ZFPM2: variants seen among roughly 807,000 people sequenced by gnomAD.
ZFPM2 encodes zinc finger protein ZFPM2.
A neutral mutation model predicts 98.6 loss-of-function variants in ZFPM2; 20 were observed. The ratio of observed to expected loss-of-function variants is 0.20; its 90% CI spans 0.14 to 0.29. The LOEUF (loss-of-function observed/expected upper bound fraction) is 0.29. Ranked by LOEUF, ZFPM2 falls within the 10% of genes least tolerant of loss-of-function variation. The probability of loss-of-function intolerance (pLI) is 1.00; values close to 1 mark genes in which losing one functional copy is unlikely to be tolerated. For missense variants in ZFPM2, 1,310 were observed against 1,388.6 expected (o/e 0.94, Z 0.90); for synonymous variants, 518 against 502.7 (o/e 1.03, Z -0.41).
intron 3 of ZFPM2, among the ~76,000 whole-genome samples, chr8:105,456,208 T>G (rs573757586): frequency 6.8e-6 from 1 of 147,478 alleles, no homozygotes; most frequent in East Asian, 2.1e-4. Flanking sequence ...CTGGCTTAAA[T>G]GGTGCTGAGA....
intron 5 of ZFPM2, among the ~76,000 whole-genome samples, chr8:105,674,576 T>A (rs2130910218): frequency 6.6e-6 from 1 of 152,278 alleles, no homozygotes; most frequent in East Asian, 1.9e-4. Flanking sequence ...GGCATCATAT[T>A]TTTAAAAGGC....
chr8:105,406,434 C>A (rs576295381), intron 1 of ZFPM2, among the ~76,000 whole-genome samples: 1 of 151,976 alleles, frequency 6.6e-6, no homozygotes, highest in Non-Finnish European at 1.5e-5. Context: ...CCCTTCCTTA[C>A]ACCTTATACA....
At chr8:105,525,631 T>C (rs1339925923) in intron 3 of ZFPM2, among the ~76,000 whole-genome samples, 1 of 152,184 alleles carries the variant, frequency 6.6e-6, no homozygotes, top group East Asian at 1.9e-4. Context: ...TTAGGTGATA[T>C]GATTTCCATG....
Position 105,802,311 on chromosome 8 carries a change from G to GATGTGCCTACCTGAGCAC in ZFPM2, c.2246_2247insCATGTGCCTACCTGAGCA (p.Glu748_Gln749insHisMetCysLeuProGlu). 1 of 1,613,816 alleles carries GATGTGCCTACCTGAGCAC rather than the reference G, an allele frequency of 6.2e-7. No individual in the cohort carries two copies. Among genetic ancestry groups the GATGTGCCTACCTGAGCAC allele is most frequent in the Non-Finnish European group, 8.5e-7 (1 of 1,179,832 alleles). On this transcript the variant is annotated inframe_insertion, in exon 8 of 8. Coordinates refer to ENST00000407775, the MANE Select transcript of ZFPM2 (RefSeq NM_012082.4). ...CACGCAAGCGCAGAAAGATGTATGA[G>GATGTGCCTACCTGAGCAC]ATGTGCCTACCTGAGCAGGAACAAA...
rs576014137 is a variant in ZFPM2, at chr8:105,361,452, G to A, written c.40+42471G>A. On this transcript the variant is annotated intron_variant, in intron 1 of 7. Transcript: ENST00000407775. ...GTTCACTCTGATGGTAGTTTCTTTT[G>A]CTGTGCAGAAGCTCTTTAGTTTAAT... Among the ~76,000 whole-genome samples, 6 of 150,592 alleles carry A rather than the reference G, an allele frequency of 4.0e-5. No homozygotes were observed. In the South Asian group the frequency reaches 1.3e-3, roughly 32 times the overall value.
At chr8:105,506,860 T>C (rs1255718924) in intron 3 of ZFPM2, among the ~76,000 whole-genome samples, 1 of 146,664 alleles carries the variant, frequency 6.8e-6, no homozygotes, top group African/African-American at 2.5e-5. Context: ...TAGTGGCGGG[T>C]GCCTGTAGTC....
At chr8:105,437,160 A>G (rs1441557361) in intron 2 of ZFPM2, among the ~76,000 whole-genome samples, 5 of 151,996 alleles carry the variant, frequency 3.3e-5, no homozygotes, top group Admixed American at 6.6e-5. Flanking sequence ...CATACCCCTT[A>G]CCTAGTTTTA....
chr8:105,590,266 T>A (rs1815813270), intron 4 of ZFPM2, among the ~76,000 whole-genome samples: 1 of 152,204 alleles, frequency 6.6e-6, no homozygotes, highest in Admixed American at 6.5e-5. Context: ...TGTGAGATGC[T>A]GAGACTAAGA....
chr8:105,334,118 C>CTGTGTGTGTGTGTGTG (rs71305145), intron 1 of ZFPM2, among the ~76,000 whole-genome samples: 64 of 120,440 alleles, frequency 5.3e-4, no homozygotes, highest in African/African-American at 2.2e-3. Context: ...TAGTAATAAA[C>CTGTGTGTGTGTGTGTG]TGTGTGTGTG....
rs560061432 is a variant in ZFPM2, at chr8:105,802,267, A to G, written c.2185A>G (p.Met729Val). ...KRSASNKVPAMQRTMRTRKRR... is the reference protein window; with the variant it reads ...KRSASNKVPAVQRTMRTRKRR... ...GTCTGCTTCCAACAAAGTGCCTGCCATGCAGAGAACCATGCGCACACGCAA... is the reference window on the plus strand; with the variant it reads ...GTCTGCTTCCAACAAAGTGCCTGCCGTGCAGAGAACCATGCGCACACGCAA... The change falls in exon 8 of 8, where the codon ATG becomes GTG. Residue 729 changes from methionine (M) to valine (V), a missense_variant. By Grantham distance (21) the Met-to-Val change is conservative. Transcript: ENST00000407775. 6.2e-7 allele frequency: 1 copy of G among 1,613,846 alleles called. No homozygotes were observed. The highest frequency in any genetic ancestry group is 8.5e-7 in the Non-Finnish European group (1 of 1,179,824).
At chr8:105,754,411 G>A (rs1442109741) in intron 5 of ZFPM2, among the ~76,000 whole-genome samples, 7 of 152,054 alleles carry the variant, frequency 4.6e-5, no homozygotes, top group Non-Finnish European at 7.4e-5. Flanking sequence ...ATTTATAAGC[G>A]TGTGCTTTAT....
chr8:105,787,935 C>A lies in ZFPM2; in HGVS notation c.533-783C>A, dbSNP rs543437556. On this transcript the variant is annotated intron_variant, in intron 5 of 7. Transcript: ENST00000407775. ...GCATAGTTAATTTTTCTTTTTAATG[C>A]ACAACATGTGATCGTTGACATGCAG... 9.2e-5 allele frequency among the ~76,000 whole-genome samples: 14 copies of A among 152,270 alleles called. No homozygotes were observed. The East Asian group carries it at 2.5e-3, about 27-fold the overall frequency.
chr8:105,587,468 A>C (rs1815748229), intron 4 of ZFPM2, among the ~76,000 whole-genome samples: 1 of 152,142 alleles, frequency 6.6e-6, no homozygotes, highest in Non-Finnish European at 1.5e-5. Flanking sequence ...ACATCAGTAT[A>C]GTCAAAATGC....
At chr8:105,385,155 G>C (rs1370320933) in intron 1 of ZFPM2, among the ~76,000 whole-genome samples, 1 of 152,164 alleles carries the variant, frequency 6.6e-6, no homozygotes, top group Non-Finnish European at 1.5e-5. Flanking sequence ...AACACCTCTG[G>C]CACAACTGAG....
chr8:105,654,514 G>A (rs1162450784), intron 5 of ZFPM2, among the ~76,000 whole-genome samples: 1 of 152,104 alleles, frequency 6.6e-6, no homozygotes, highest in Admixed American at 6.6e-5. Flanking sequence ...TTGAAGTTTT[G>A]TGCCGGAGAC....
chr8:105,711,256 AG>A (rs1203232516), intron 5 of ZFPM2, among the ~76,000 whole-genome samples: 1 of 152,096 alleles, frequency 6.6e-6, no homozygotes, highest in Non-Finnish European at 1.5e-5. Context: ...TATCCGTTAG[AG>A]CTGTTGCCTT....
intron 5 of ZFPM2, among the ~76,000 whole-genome samples, chr8:105,726,969 G>A (rs1249754913): frequency 6.6e-6 from 1 of 151,714 alleles, no homozygotes; most frequent in East Asian, 1.9e-4. Flanking sequence ...AATGTGACAA[G>A]CTTAGTCACA....
chr8:105,385,691 C>G (rs1455215245), intron 1 of ZFPM2, among the ~76,000 whole-genome samples: 2 of 152,192 alleles, frequency 1.3e-5, no homozygotes, highest in Non-Finnish European at 2.9e-5. Context: ...TCTTAGATCT[C>G]TCTTGGTCAG....
At chr8:105,513,886 G>A (rs1268575781) in intron 3 of ZFPM2, among the ~76,000 whole-genome samples, 6 of 152,082 alleles carry the variant, frequency 3.9e-5, no homozygotes, top group Non-Finnish European at 1.5e-5. Flanking sequence ...GAGTAATCTT[G>A]CTGTAATCAC....
Sources: allele counts gnomAD v4.1 joint callset (sites outside exome capture counted in the v4.1 genomes callset), GRCh38; gene constraint gnomAD v4.1.1; transcripts MANE v1.5; gene names NCBI Gene and HGNC (gene_info 2026-07-23, HGNC 2026-07-21).